Variants in MEGF10 observed in about 807,000 individuals in gnomAD.
The protein encoded by MEGF10 is multiple epidermal growth factor-like domains protein 10.
In MEGF10, 86 loss-of-function variants were observed where a neutral mutation model predicts 147.5. The observed-to-expected ratio is 0.58, with a 90% CI of 0.49 to 0.70. MEGF10 has a LOEUF of 0.70. MEGF10 is among the 30% of genes least tolerant of loss of function. The pLI is 0.00. For synonymous variants in MEGF10, 478 were observed against 525.5 expected (o/e 0.91, Z 1.24); for missense variants, 1,329 against 1,487.3 (o/e 0.89, Z 1.75).
intron 5 of MEGF10, among the ~76,000 whole-genome samples, chr5:127,391,802 T>C (rs1691509179): frequency 6.6e-6 from 1 of 152,068 alleles, no homozygotes; most frequent in African/African-American, 2.4e-5. Flanking sequence ...AGAGTGTCAT[T>C]GCATCCTAAC....
At chr5:127,346,345 T>C (rs1202406387) in intron 4 of MEGF10, among the ~76,000 whole-genome samples, 2 of 152,206 alleles carry the variant, frequency 1.3e-5, no homozygotes, top group Non-Finnish European at 2.9e-5. Flanking sequence ...GTGTTCCTTT[T>C]TCGCCACATC....
the MEGF10 span, among the ~76,000 whole-genome samples, chr5:127,238,775 T>A: frequency 7.9e-5 from 12 of 151,510 alleles, 1 homozygote; most frequent in Admixed American, 5.2e-4. Context: ...ATACAACCAA[T>A]AAAGTTTTGT....
At chr5:127,307,742 A>G (rs141997268) in intron 1 of MEGF10, among the ~76,000 whole-genome samples, 1 of 152,184 alleles carries the variant, frequency 6.6e-6, no homozygotes, top group African/African-American at 2.4e-5. Flanking sequence ...ATAAAAATTA[A>G]TGTTGCTATC....
Position 127,457,557 on chromosome 5 carries a change from G to T in MEGF10, c.*239G>T, listed in dbSNP as rs1325188852. The T allele has an allele frequency of 1.1e-5, 5 of 461,818 alleles. No homozygotes were observed. Among genetic ancestry groups the T allele is most frequent in the Non-Finnish European group, 1.1e-5 (3 of 261,068 alleles). 28.6% of individuals were successfully genotyped at this position (461,818 alleles called of 1,614,324 possible). A position where few individuals can be genotyped will look rare whatever the true frequency, so the allele number is the denominator to read the frequency against. On this transcript the variant is annotated 3_prime_UTR_variant, in exon 25 of 25. Coordinates refer to ENST00000503335, the MANE Select transcript of MEGF10 (RefSeq NM_001256545.2). ...TGCTGTTAGTTTTAGAACTATACCC[G>T]TGAAGCATGACTTATTGTAAGATGT...
chr5:127,250,859 A>G, the MEGF10 span, among the ~76,000 whole-genome samples: 2 of 152,014 alleles, frequency 1.3e-5, no homozygotes, highest in African/African-American at 4.8e-5. Context: ...TTTCCTATAT[A>G]TTATCAATAA....
the MEGF10 span, among the ~76,000 whole-genome samples, chr5:127,265,416 A>G: frequency 2.0e-5 from 3 of 152,062 alleles, no homozygotes; most frequent in African/African-American, 7.2e-5. Flanking sequence ...ATGATTTATA[A>G]TCCTTTGGGT....
At chr5:127,331,935 T>C (rs1761276318) in intron 2 of MEGF10, among the ~76,000 whole-genome samples, 1 of 151,880 alleles carries the variant, frequency 6.6e-6, no homozygotes, top group Non-Finnish European at 1.5e-5. Flanking sequence ...AAGAACTGAA[T>C]AAGATGAGTG....
At chr5:127,236,037 A>C in the MEGF10 span, among the ~76,000 whole-genome samples, 1 of 151,620 alleles carries the variant, frequency 6.6e-6, no homozygotes, top group African/African-American at 2.4e-5. Context: ...CAGGGGTGCG[A>C]TCTCGGCTCA....
chr5:127,243,741 A>G, the MEGF10 span, among the ~76,000 whole-genome samples: 1 of 152,176 alleles, frequency 6.6e-6, no homozygotes, highest in African/African-American at 2.4e-5. Context: ...TGGAAATGCT[A>G]GAGGTGGTAG....
chr5:127,392,823 C>G (rs1763753974), intron 5 of MEGF10, among the ~76,000 whole-genome samples: 1 of 152,100 alleles, frequency 6.6e-6, no homozygotes, highest in African/African-American at 2.4e-5. Flanking sequence ...CAAGTAGTAC[C>G]CAGCAGTTTA....
At chr5:127,321,250 C>G (rs1760774385) in intron 1 of MEGF10, among the ~76,000 whole-genome samples, 1 of 152,136 alleles carries the variant, frequency 6.6e-6, no homozygotes, top group South Asian at 2.1e-4. Flanking sequence ...TGATTGGACT[C>G]CATGAAGGCC....
intron 1 of MEGF10, among the ~76,000 whole-genome samples, chr5:127,327,751 G>A (rs1761096071): frequency 7.7e-6 from 1 of 130,458 alleles, no homozygotes; most frequent in African/African-American, 3.0e-5. Flanking sequence ...TTTCACTCCT[G>A]TTGCCCAGGC....
intron 18 of MEGF10, among the ~76,000 whole-genome samples, chr5:127,441,302 A>G (rs756390770): frequency 3.3e-4 from 51 of 152,302 alleles, no homozygotes; most frequent in Admixed American, 1.6e-3. Flanking sequence ...TGGTGAGGGA[A>G]CACATCCATG....
rs1202043248 is a variant in MEGF10 at position 127,445,665 on chromosome 5, G to A, written c.2700G>A (p.Arg900=). The A allele has an allele frequency of 1.2e-6, 2 of 1,614,048 alleles. No homozygotes were observed. Among genetic ancestry groups the A allele is most frequent in the East Asian group, 4.5e-5 (2 of 44,878 alleles). The change falls in exon 20 of 25, where the codon AGG becomes AGA. Residue 900 remains arginine (R), a synonymous_variant. Coordinates refer to ENST00000503335, the MANE Select transcript of MEGF10 (RefSeq NM_001256545.2). The part of the protein sequence containing the change: ...MPAVTYTPAM[R]VVNADYTISG... ...CAGTTACCTACACCCCTGCTATGAG[G>A]GTCGTCAATGCAGATTATACCATTT... is the stretch of plus-strand genomic sequence containing the variant.
At chr5:127,447,794 T>C in intron 21 of MEGF10, 110 bp downstream of exon 21, 7 of 1,329,614 alleles carry the variant, frequency 5.3e-6, no homozygotes, top group Non-Finnish European at 7.2e-6. Context: ...ACTTTACATA[T>C]ATTATCTAAT....
At chr5:127,351,944 G>A (rs756064144) in intron 4 of MEGF10, among the ~76,000 whole-genome samples, 1 of 152,158 alleles carries the variant, frequency 6.6e-6, no homozygotes, top group Non-Finnish European at 1.5e-5. Flanking sequence ...GGAATAGGTG[G>A]GAGAAAGAGG....
At chr5:127,427,610 G>A (rs894899648) in intron 13 of MEGF10, among the ~76,000 whole-genome samples, 1 of 152,010 alleles carries the variant, frequency 6.6e-6, no homozygotes, top group African/African-American at 2.4e-5. Flanking sequence ...TAGAGTGGCC[G>A]CAGCCTCCCT....
the MEGF10 span, among the ~76,000 whole-genome samples, chr5:127,249,763 T>TAA: frequency 6.6e-6 from 1 of 152,056 alleles, no homozygotes; most frequent in East Asian, 1.9e-4. Context: ...TTATAAAGAA[T>TAA]AAAAATTTAT....
chr5:127,427,603 A>G (rs1435505444), intron 13 of MEGF10, among the ~76,000 whole-genome samples: 1 of 151,990 alleles, frequency 6.6e-6, no homozygotes, highest in Non-Finnish European at 1.5e-5. Flanking sequence ...CTAGGCCTAG[A>G]GTGGCCGCAG....
Sources: allele counts gnomAD v4.1 joint callset (sites outside exome capture counted in the v4.1 genomes callset), GRCh38; gene constraint gnomAD v4.1.1; transcripts MANE v1.5; gene names NCBI Gene and HGNC (gene_info 2026-07-23, HGNC 2026-07-21).